Variants in DIAPH2 observed in about 807,000 individuals in gnomAD.
The protein encoded by DIAPH2 is protein diaphanous homolog 2.
DIAPH2 carries 35 observed loss-of-function variants against 92.7 expected under a neutral mutation model. The ratio of observed to expected loss-of-function variants is 0.38; its 90% CI spans 0.29 to 0.50. The LOEUF is 0.50. Ranked by LOEUF, DIAPH2 falls within the 20% of genes least tolerant of loss-of-function variation. The probability of loss-of-function intolerance (pLI) is 0.94; values close to 1 mark genes in which losing one functional copy is unlikely to be tolerated. For synonymous variants in DIAPH2, 301 were observed against 280.4 expected, an observed-to-expected ratio of 1.07 and a Z score of -0.73; for missense variants, 701 against 819.5, an observed-to-expected ratio of 0.86 and a Z score of 1.77.
At chrX:97,395,017 G>A (rs1176450932) in intron 25 of DIAPH2, among the ~76,000 whole-genome samples, 1 of 111,688 alleles carries the variant, frequency 9.0e-6, no homozygotes. Context: ...CATCAACCTC[G>A]TAGGATTTTC....
intron 4 of DIAPH2, among the ~76,000 whole-genome samples, chrX:96,875,261 C>T (rs1317844103): frequency 9.0e-6 from 1 of 111,646 alleles, no homozygotes; most frequent in Non-Finnish European, 1.9e-5. Flanking sequence ...ATAAGGGATA[C>T]TCAATCTGTA....
intron 17 of DIAPH2, among the ~76,000 whole-genome samples, chrX:97,045,020 G>A (rs780711967): frequency 9.0e-6 from 1 of 111,485 alleles, no homozygotes; most frequent in East Asian, 2.8e-4. Flanking sequence ...CTATGATATT[G>A]GTTCTCATGA....
chrX:96,823,628 A>G (rs965447129), intron 4 of DIAPH2, among the ~76,000 whole-genome samples: 1 of 111,069 alleles, frequency 9.0e-6, no homozygotes, highest in Non-Finnish European at 1.9e-5. Flanking sequence ...AACTTGTATT[A>G]GTTGTGAAAT....
At chrX:96,882,619 A>G (rs2065221067) in intron 5 of DIAPH2, among the ~76,000 whole-genome samples, 1 of 110,668 alleles carries the variant, frequency 9.0e-6, no homozygotes, top group Non-Finnish European at 1.9e-5. Flanking sequence ...ATAACACCCA[A>G]AATAAAATGT....
intron 7 of DIAPH2, among the ~76,000 whole-genome samples, chrX:96,915,872 G>A (rs1017215409): frequency 2.7e-5 from 3 of 111,192 alleles, no homozygotes; most frequent in African/African-American, 9.8e-5. Flanking sequence ...TAAAACCCAG[G>A]TGCCATTTCT....
At chrX:97,148,301 CAT>C (rs770260256) in intron 22 of DIAPH2, among the ~76,000 whole-genome samples, 3 of 111,839 alleles carry the variant, frequency 2.7e-5, no homozygotes, top group Non-Finnish European at 5.6e-5. Flanking sequence ...TACTGGAAAA[CAT>C]ATAGAAAGTA....
Position 96,870,464 on chromosome X carries a change from G to A in DIAPH2, c.448-11115G>A, listed in dbSNP as rs1265386491. ...TTTTTTTTTTTTTTTTTTAAGTAGA[G>A]ATGGGGTTTCACCATATTGGTCAGG... On this transcript the variant is annotated intron_variant, in intron 4 of 26. Coordinates refer to ENST00000324765, the MANE Select transcript of DIAPH2 (RefSeq NM_006729.5). Among the ~76,000 whole-genome samples the A allele has an allele frequency of 3.0e-5, 3 of 101,661 alleles. No homozygotes were observed. The South Asian group carries it at 1.4e-3, about 48-fold the overall frequency. 88.3% of individuals were successfully genotyped at this position (101,661 alleles called of 115,157 possible). A position where few individuals can be genotyped will look rare whatever the true frequency, so the allele number is the denominator to read the frequency against.
intron 23 of DIAPH2, among the ~76,000 whole-genome samples, chrX:97,301,918 A>G: frequency 9.0e-6 from 1 of 111,411 alleles, no homozygotes; most frequent in Non-Finnish European, 1.9e-5. Context: ...AACCTTTTAT[A>G]AAAGTATTGG....
chrX:97,416,485 G>A (rs1182206770), intron 25 of DIAPH2, among the ~76,000 whole-genome samples: 2 of 112,125 alleles, frequency 1.8e-5, no homozygotes, highest in East Asian at 5.6e-4. Flanking sequence ...TTTTTCTTAG[G>A]GAGTTTGGAC....
chrX:96,959,610 CGTTTTA>C (rs1459469186), intron 16 of DIAPH2, among the ~76,000 whole-genome samples: 1 of 111,520 alleles, frequency 9.0e-6, no homozygotes, highest in African/African-American at 3.3e-5. Context: ...TATGCGGAAG[CGTTTTA>C]GTTTAATATA....
At chrX:96,965,230 T>G in intron 17 of DIAPH2, 23 bp downstream of exon 17, 2 of 1,087,975 alleles carry the variant, frequency 1.8e-6, no homozygotes, top group Non-Finnish European at 2.4e-6. Flanking sequence ...AAATAAAATA[T>G]AAGTTCCCGA....
chrX:96,843,032 A>T (rs772936822), intron 4 of DIAPH2, among the ~76,000 whole-genome samples: 1 of 111,610 alleles, frequency 9.0e-6, no homozygotes, highest in East Asian at 2.8e-4. Context: ...TGCTCATCTC[A>T]TGTTGAAATG....
intron 3 of DIAPH2, among the ~76,000 whole-genome samples, chrX:96,757,227 C>G (rs1360937752): frequency 9.0e-6 from 1 of 111,348 alleles, no homozygotes; most frequent in Non-Finnish European, 1.9e-5. Context: ...TGTATATCTT[C>G]TTTAGAAAAA....
intron 23 of DIAPH2, among the ~76,000 whole-genome samples, chrX:97,267,146 G>T (rs1366475265): frequency 9.0e-6 from 1 of 111,657 alleles, no homozygotes; most frequent in Non-Finnish European, 1.9e-5. Flanking sequence ...ACTGTACATA[G>T]AGTTGATTTG....
chrX:96,832,638 G>T (rs1412451342), intron 4 of DIAPH2, among the ~76,000 whole-genome samples: 1 of 111,188 alleles, frequency 9.0e-6, no homozygotes, highest in African/African-American at 3.3e-5. Context: ...TTTGTATTTG[G>T]ATAGAAGAAA....
chrX:97,033,770 A>G (rs1419171975), intron 17 of DIAPH2, among the ~76,000 whole-genome samples: 4 of 111,600 alleles, frequency 3.6e-5, no homozygotes, highest in African/African-American at 1.3e-4. Context: ...AAATAAAACT[A>G]TATATGTTCC....
intron 4 of DIAPH2, among the ~76,000 whole-genome samples, chrX:96,769,112 A>AAC (rs1164433874): frequency 1.8e-5 from 2 of 111,187 alleles, no homozygotes; most frequent in African/African-American, 3.3e-5. Flanking sequence ...TAAATGGAGG[A>AAC]TATAGATGAG....
intron 22 of DIAPH2, among the ~76,000 whole-genome samples, chrX:97,235,468 G>A (rs928767971): frequency 9.1e-6 from 1 of 109,689 alleles, no homozygotes; most frequent in Admixed American, 9.8e-5. Context: ...GCCAGGCGTG[G>A]TGGCACATGC....
intron 1 of DIAPH2, among the ~76,000 whole-genome samples, chrX:96,725,258 C>T (rs2064013996): frequency 8.9e-6 from 1 of 111,863 alleles, no homozygotes; most frequent in Non-Finnish European, 1.9e-5. Context: ...GAAAGAATCT[C>T]TTATCCAAAT....
Sources: allele counts gnomAD v4.1 joint callset (sites outside exome capture counted in the v4.1 genomes callset), GRCh38; gene constraint gnomAD v4.1.1; transcripts MANE v1.5; gene names NCBI Gene and HGNC (gene_info 2026-07-23, HGNC 2026-07-21).